The following NSMCE3 variants were observed in gnomAD, a reference collection of about 807,000 sequenced individuals.
NSMCE3 encodes the protein non-structural maintenance of chromosomes element 3 homolog.
For missense variants in NSMCE3, 452 were observed against 399.5 expected (o/e 1.13, Z -1.12); for synonymous variants, 214 against 172.2 (o/e 1.24, Z -1.90).
In NSMCE3 at chr15:29,268,672, C is replaced by A; in HGVS notation, c.*119G>T. On this transcript the variant is annotated 3_prime_UTR_variant, in exon 1 of 1. Coordinates refer to ENST00000332303, the MANE Select transcript of NSMCE3 (RefSeq NM_138704.4). ...ACTTTGCAAACACATCCTAAAGCTA[C>A]ACACATTGAAGCGTTTACAGCAATA... 3 of 961,168 alleles carry A rather than the reference C, an allele frequency of 3.1e-6. No individual in the cohort carries two copies. Among genetic ancestry groups the A allele is most frequent in the Non-Finnish European group, 4.5e-6 (3 of 660,614 alleles). The allele number at this position is 961,168 out of a possible 1,614,324, so 59.5% of individuals were successfully genotyped here.
At position 29,269,498 on chromosome 15, in the gene NSMCE3, G is replaced by C. The variant is rs748738551; in HGVS notation, c.208C>G (p.Arg70Gly). 3.1e-6 allele frequency: 5 copies of C among 1,607,278 alleles called. No homozygotes were observed. Among genetic ancestry groups the C allele is most frequent in the Non-Finnish European group, 4.2e-6 (5 of 1,177,750 alleles). Residue 70 changes from arginine (R) to glycine (G), a missense_variant, in exon 1 of 1, where the codon CGG becomes GGG. Transcript: ENST00000332303. ...SQGPSPQGAR[R>G]AQAAPAVGPR... ...CCCACGGCGGGGGCGGCCTGGGCCC[G>C]GCGGGCGCCCTGAGGCGAGGGGCCC... is the stretch of plus-strand genomic sequence containing the variant.
In NSMCE3 at chr15:29,269,298, G is replaced by A; in HGVS notation, c.408C>T (p.Tyr136=). Residue 136 remains tyrosine, a synonymous_variant, in exon 1 of 1, where the codon TAC becomes TAT. Coordinates refer to ENST00000332303, the MANE Select transcript of NSMCE3 (RefSeq NM_138704.4). ...LFKRAAERLQ[Y]VFGYKLVELE... is the part of the protein sequence containing the mutation. The stretch of plus-strand genomic sequence containing the variant: ...GTTCCACCAGCTTATACCCGAAGAC[G>A]TACTGGAGGCGCTCGGCGGCCCGTT... 1 of 1,614,200 alleles carries A rather than the reference G, an allele frequency of 6.2e-7. No homozygotes were observed. Among genetic ancestry groups the A allele is most frequent in the Non-Finnish European group, 8.5e-7 (1 of 1,180,042 alleles).
Position 29,267,779 on chromosome 15 carries a change from A to T in NSMCE3, c.*1012T>A, listed in dbSNP as rs374144344. ...CAGACCAAGGAGAATAAAAAATAAA[A>T]ACATTAAAGAATAACAAATAAAATT... On this transcript the variant is annotated 3_prime_UTR_variant, in exon 1 of 1. Transcript: ENST00000332303. The T allele has an allele frequency of 1.2e-4, 19 of 152,358 alleles. No homozygotes were observed. The East Asian group carries it at 3.1e-3, about 25-fold the overall frequency. The allele number at this position is 152,358 out of a possible 1,614,324, so 9.4% of individuals were successfully genotyped here.
Position 29,269,417 on chromosome 15 carries a change from G to GC in NSMCE3, c.288dup (p.Leu97AlafsTer3). On this transcript the variant is annotated frameshift_variant, in exon 1 of 1. Transcript: ENST00000332303. LOFTEE classifies it low-confidence loss of function (END_TRUNC). Reference sequence around the variant, plus strand: ...GGAATCTTCTTCTGGTCTTTAATCAGCAAGAACTGCACCAGCTCGGACACT... The same window carrying GC: ...GGAATCTTCTTCTGGTCTTTAATCAGCCAAGAACTGCACCAGCTCGGACACT... 6.2e-7 allele frequency: 1 copy of GC among 1,614,134 alleles called. No homozygotes were observed. The highest frequency in any genetic ancestry group is 8.5e-7 in the Non-Finnish European group (1 of 1,180,024).
In NSMCE3 at chr15:29,269,027, A is replaced by C; in HGVS notation, c.679T>G (p.Phe227Val). The C allele has an allele frequency of 1.9e-6, 3 of 1,614,004 alleles. No homozygotes were observed. Among genetic ancestry groups the C allele is most frequent in the Non-Finnish European group, 2.5e-6 (3 of 1,180,008 alleles). The change falls in exon 1 of 1, where the codon TTT (phenylalanine) becomes GTT (valine). Residue 227 changes from phenylalanine to valine, a missense_variant. By Grantham distance (50) the Phe-to-Val change is conservative. Transcript: ENST00000332303. ...GDPKKLITED[F>V]VRQRYLEYRR... ...TATTCCAGGTAACGCTGTCGCACAA[A>C]GTCCTCAGTAATGAGTTTCTTTGGA...
In NSMCE3 at chr15:29,269,781, T is replaced by A; in HGVS notation, c.-76A>T. On this transcript the variant is annotated 5_prime_UTR_variant, in exon 1 of 1. Transcript: ENST00000332303. ...CGGGGATTGCGGGTCGGCGACCCGC[T>A]AACGCCGGTGCCTGGAGGCGCGCGC... The A allele has an allele frequency of 7.5e-7, 1 of 1,330,882 alleles. No individual in the cohort carries two copies. Among genetic ancestry groups the A allele is most frequent in the Non-Finnish European group, 9.8e-7 (1 of 1,023,518 alleles). 82.4% of individuals were successfully genotyped at this position (1,330,882 alleles called of 1,614,324 possible).
In NSMCE3 at chr15:29,269,767, G is replaced by T. The variant is rs1467625880; in HGVS notation, c.-62C>A. On this transcript the variant is annotated 5_prime_UTR_variant, in exon 1 of 1. Coordinates refer to ENST00000332303, the MANE Select transcript of NSMCE3 (RefSeq NM_138704.4). ...GCAAGCAGCCGCGGCGGGGATTGCG[G>T]GTCGGCGACCCGCTAACGCCGGTGC... is the stretch of plus-strand genomic sequence containing the variant. 7.2e-7 allele frequency: 1 copy of T among 1,390,096 alleles called. No homozygotes were observed. Among genetic ancestry groups the T allele is most frequent in the South Asian group, 1.6e-5 (1 of 61,412 alleles). The allele number at this position is 1,390,096 out of a possible 1,614,324, so 86.1% of individuals were successfully genotyped here. A position where few individuals can be genotyped will look rare whatever the true frequency, so the allele number is the denominator to read the frequency against.
At position 29,269,620 on chromosome 15, in the gene NSMCE3, GC is replaced by G; in HGVS notation, c.85del (p.Ala29LeufsTer59). On this transcript the variant is annotated frameshift_variant, in exon 1 of 1. Coordinates refer to ENST00000332303, the MANE Select transcript of NSMCE3 (RefSeq NM_138704.4). LOFTEE classifies it low-confidence loss of function (END_TRUNC). Reference protein sequence around the residue: ...RDWSHSGNPGASRAGEDARVL... With the variant: ...RDWSHSGNPGXSRAGEDARVL... ...CCGGGCGTCTTCCCCGGCCCGCGAA[GC>G]CCCGGGGTTTCCGCTATGGCTCCAG... 1 of 1,567,928 alleles carries G rather than the reference GC, an allele frequency of 6.4e-7. No individual in the cohort carries two copies. The highest frequency in any genetic ancestry group is 1.4e-5 in the African/African-American group (1 of 70,466).
chr15:29,268,802 G>T lies in NSMCE3; in HGVS notation c.904C>A (p.Pro302Thr). ...RARPQPSGPA[P>T]SS ...TCTGAATCCACCTTTCAAGAGGATG[G>T]AGCTGGGCCACTAGGCTGAGGTCTG... The change falls in exon 1 of 1, where the codon CCA (proline) becomes ACA (threonine). Residue 302 changes from proline to threonine, a missense_variant. Physicochemically the swap from Pro to Thr is conservative, Grantham distance 38. Coordinates refer to ENST00000332303, the MANE Select transcript of NSMCE3 (RefSeq NM_138704.4). The T allele has an allele frequency of 6.2e-7, 1 of 1,609,070 alleles. No individual in the cohort carries two copies. Among genetic ancestry groups the T allele is most frequent in the African/African-American group, 1.3e-5 (1 of 74,864 alleles).
In NSMCE3 at chr15:29,268,965, T is replaced by C. The variant is rs774405238; in HGVS notation, c.741A>G (p.Glu247=). The change falls in exon 1 of 1, where the codon GAA becomes GAG. Residue 247 remains glutamate (E), a synonymous_variant. Coordinates refer to ENST00000332303, the MANE Select transcript of NSMCE3 (RefSeq NM_138704.4). ...RIPHTDPVDY[E]FQWGPRTNLE... ...GGTTGGTTCGCGGGCCCCACTGGAA[T>C]TCGTAGTCGACGGGGTCGGTGTGGG... is the stretch of plus-strand genomic sequence containing the variant. The C allele has an allele frequency of 5.0e-6, 8 of 1,614,064 alleles. No homozygotes were observed. The highest frequency in any genetic ancestry group is 6.8e-6 in the Non-Finnish European group (8 of 1,180,044).
chr15:29,267,959 T>A lies in NSMCE3; in HGVS notation c.*832A>T, dbSNP rs964410178. ...CAGGCATGGTTAATGGTTACGCTAT[T>A]GTTTTATAAGCCTTTTTGAGATCCA... On this transcript the variant is annotated 3_prime_UTR_variant, in exon 1 of 1. Transcript: ENST00000332303. 4 of 152,206 alleles carry A rather than the reference T, an allele frequency of 2.6e-5. No individual in the cohort carries two copies. Among genetic ancestry groups the A allele is most frequent in the African/African-American group, 9.6e-5 (4 of 41,458 alleles). The allele number at this position is 152,206 out of a possible 1,614,324, so 9.4% of individuals were successfully genotyped here.
In NSMCE3 at chr15:29,268,723, C is replaced by T. The variant is rs1208151697; in HGVS notation, c.*68G>A. Reference sequence around the variant, plus strand: ...TGCTCCCTGGGTTCGTTCTCCCTTCCCCCAATCCTCTAAACTGTGCCTTTG... The same window carrying T: ...TGCTCCCTGGGTTCGTTCTCCCTTCTCCCAATCCTCTAAACTGTGCCTTTG... On this transcript the variant is annotated 3_prime_UTR_variant, in exon 1 of 1. Transcript: ENST00000332303. The T allele has an allele frequency of 2.0e-6, 3 of 1,496,646 alleles. No homozygotes were observed. The highest frequency in any genetic ancestry group is 2.7e-5 in the South Asian group (2 of 74,464). 92.7% of individuals were successfully genotyped at this position (1,496,646 alleles called of 1,614,324 possible).
In NSMCE3 at chr15:29,269,583, G is replaced by A; in HGVS notation, c.123C>T (p.Asp41=). The A allele has an allele frequency of 6.5e-7, 1 of 1,543,790 alleles. No individual in the cohort carries two copies. ...RAGEDARVLR[D]GFAEEAPSTS... is the part of the protein sequence containing the mutation. ...TGCTCGGGGCCTCCTCGGCAAAGCC[G>A]TCTCTGAGAACCCGGGCGTCTTCCC... is the stretch of plus-strand genomic sequence containing the variant. Residue 41 remains aspartate (D), a synonymous_variant, in exon 1 of 1, where the codon GAC becomes GAT. Transcript: ENST00000332303.
Position 29,267,351 on chromosome 15 carries a change from G to A in NSMCE3, c.*1440C>T, listed in dbSNP as rs1417576359. On this transcript the variant is annotated 3_prime_UTR_variant, in exon 1 of 1. Coordinates refer to ENST00000332303, the MANE Select transcript of NSMCE3 (RefSeq NM_138704.4). ...GCATTAAAAACAGCATCTGCTACACGTAATGGAGGAACACAATGGGACTAT... is the reference window on the plus strand; with the variant it reads ...GCATTAAAAACAGCATCTGCTACACATAATGGAGGAACACAATGGGACTAT... 3 of 152,138 alleles carry A rather than the reference G, an allele frequency of 2.0e-5. No homozygotes were observed. The highest frequency in any genetic ancestry group is 7.2e-5 in the African/African-American group (3 of 41,406). 9.4% of individuals were successfully genotyped at this position (152,138 alleles called of 1,614,324 possible). A position where few individuals can be genotyped will look rare whatever the true frequency, so the allele number is the denominator to read the frequency against.
chr15:29,268,080 A>G lies in NSMCE3; in HGVS notation c.*711T>C, dbSNP rs1407302486. 6.6e-6 allele frequency: 1 copy of G among 152,226 alleles called. No individual in the cohort carries two copies. Among genetic ancestry groups the G allele is most frequent in the Non-Finnish European group, 1.5e-5 (1 of 68,040 alleles). 9.4% of individuals were successfully genotyped at this position (152,226 alleles called of 1,614,324 possible). A position where few individuals can be genotyped will look rare whatever the true frequency, so the allele number is the denominator to read the frequency against. On this transcript the variant is annotated 3_prime_UTR_variant, in exon 1 of 1. Coordinates refer to ENST00000332303, the MANE Select transcript of NSMCE3 (RefSeq NM_138704.4). ...CAGCATTGACCTTAATATGTAGCAAAAACTTTAAGATGTTGATTTCCAGTC... is the reference window on the plus strand; with the variant it reads ...CAGCATTGACCTTAATATGTAGCAAGAACTTTAAGATGTTGATTTCCAGTC...
chr15:29,266,801 T>C lies in NSMCE3; in HGVS notation c.*1990A>G, dbSNP rs754712274. ...TGGGGAGGGTGAGAAGGAAAAGATA[T>C]AAGGCCTTGATGTGGCCTCTGATGT... is the stretch of plus-strand genomic sequence containing the variant. On this transcript the variant is annotated 3_prime_UTR_variant, in exon 1 of 1. Coordinates refer to ENST00000332303, the MANE Select transcript of NSMCE3 (RefSeq NM_138704.4). The C allele has an allele frequency of 2.0e-5, 3 of 152,210 alleles. No homozygotes were observed. Among genetic ancestry groups the C allele is most frequent in the Non-Finnish European group, 2.9e-5 (2 of 68,034 alleles). 9.4% of individuals were successfully genotyped at this position (152,210 alleles called of 1,614,324 possible). A position where few individuals can be genotyped will look rare whatever the true frequency, so the allele number is the denominator to read the frequency against.
At position 29,269,515 on chromosome 15, in the gene NSMCE3, GAGGGGC is replaced by G; in HGVS notation, c.185_190del (p.Gly62_Ser64delinsAla). The stretch of plus-strand genomic sequence containing the variant: ...CTGGGCCCGGCGGGCGCCCTGAGGC[GAGGGGC>G]CCTGCGACCCCTGCGAGCCGCCCGG... On this transcript the variant is annotated inframe_deletion, in exon 1 of 1. Coordinates refer to ENST00000332303, the MANE Select transcript of NSMCE3 (RefSeq NM_138704.4). 6.3e-7 allele frequency: 1 copy of G among 1,589,252 alleles called. No homozygotes were observed. Among genetic ancestry groups the G allele is most frequent in the East Asian group, 2.3e-5 (1 of 43,296 alleles).
rs1165781242 is a variant in NSMCE3, at chr15:29,268,044, C to A, written c.*747G>T. ...TTTGTTTCACACAAAAGTGAAACAA[C>A]TTCTACAAAACAGCATTGACCTTAA... On this transcript the variant is annotated 3_prime_UTR_variant, in exon 1 of 1. Coordinates refer to ENST00000332303, the MANE Select transcript of NSMCE3 (RefSeq NM_138704.4). The A allele has an allele frequency of 2.6e-5, 4 of 152,296 alleles. No homozygotes were observed. The highest frequency in any genetic ancestry group is 3.4e-3 in the Middle Eastern group (1 of 294). 9.4% of individuals were successfully genotyped at this position (152,296 alleles called of 1,614,324 possible). A position where few individuals can be genotyped will look rare whatever the true frequency, so the allele number is the denominator to read the frequency against.
rs1162748011 is a variant in NSMCE3, at chr15:29,267,075, A to C, written c.*1716T>G. 6.6e-6 allele frequency: 1 copy of C among 152,372 alleles called. No homozygotes were observed. The highest frequency in any genetic ancestry group is 1.5e-5 in the Non-Finnish European group (1 of 68,052). The allele number at this position is 152,372 out of a possible 1,614,324, so 9.4% of individuals were successfully genotyped here. On this transcript the variant is annotated 3_prime_UTR_variant, in exon 1 of 1. Coordinates refer to ENST00000332303, the MANE Select transcript of NSMCE3 (RefSeq NM_138704.4). Reference sequence around the variant, plus strand: ...ATGCAGATCAAGAAGAAATGCCTGTAAGGGCCAAACATATTCCACTGATGA... The same window carrying C: ...ATGCAGATCAAGAAGAAATGCCTGTCAGGGCCAAACATATTCCACTGATGA...
Sources: gnomAD v4.1 joint callset for allele counts on GRCh38, gnomAD v4.1.1 for gene constraint, MANE v1.5 for transcripts, NCBI Gene and HGNC (gene_info 2026-07-23, HGNC 2026-07-21) for gene names.